The following ECM2 variants were observed in gnomAD, a reference collection of about 807,000 sequenced individuals.
ECM2 encodes the protein extracellular matrix protein 2.
ECM2 carries 57 observed loss-of-function variants against 67.5 expected under a neutral mutation model. The ratio of observed to expected loss-of-function variants is 0.84; its 90% confidence interval spans 0.68 to 1.05. ECM2 has a LOEUF of 1.05. Among genes scored for constraint, ECM2 ranks in the 50% least tolerant of loss-of-function variants. The pLI, the probability that ECM2 is intolerant of heterozygous loss-of-function variation, is 0.00. For missense variants in ECM2, 741 were observed against 822.8 expected, an observed-to-expected ratio of 0.90 and a Z score of 1.22; for synonymous variants, 258 against 294.5, an observed-to-expected ratio of 0.88 and a Z score of 1.27.
chr9:92,545,372 A>T, the ECM2 span, among the ~76,000 whole-genome samples: 1 of 152,154 alleles, frequency 6.6e-6, no homozygotes, highest in Non-Finnish European at 1.5e-5. Flanking sequence ...GGGAGCGGGC[A>T]GTGAGGGACT....
chr9:92,551,679 C>T, the ECM2 span, among the ~76,000 whole-genome samples: 1 of 151,946 alleles, frequency 6.6e-6, no homozygotes, highest in South Asian at 2.1e-4. Context: ...CCCACTCCCA[C>T]TCTTCCCTTC....
chr9:92,524,403 A>G (rs980644519), intron 1 of ECM2, among the ~76,000 whole-genome samples: 3 of 152,206 alleles, frequency 2.0e-5, no homozygotes, highest in Non-Finnish European at 4.4e-5. Context: ...GACTGGCGCA[A>G]TCCCTGTGAA....
chr9:92,522,606 A>G lies in ECM2; in HGVS notation c.261T>C (p.Pro87=), dbSNP rs562112795. Residue 87 remains proline (P), a synonymous_variant, in exon 2 of 10, where the codon CCT becomes CCC. Transcript: ENST00000344604. ...ACACATTATAACTTGATTCTACTCC[A>G]GGAAAACTTGAAAAGGATTCAAACT... is the stretch of plus-strand genomic sequence containing the variant. ...EEKFESFSSF[P]GVESSYNVLP... 1.4e-4 allele frequency: 232 copies of G among 1,613,462 alleles called. 1 individual carries two copies. Among genetic ancestry groups the G allele is most frequent in the Non-Finnish European group, 1.3e-4 (158 of 1,179,758 alleles).
chr9:92,515,948 C>T (rs1348850475), intron 3 of ECM2, among the ~76,000 whole-genome samples: 3 of 152,212 alleles, frequency 2.0e-5, no homozygotes, highest in Middle Eastern at 3.4e-3. Flanking sequence ...AGTTAATCTA[C>T]ATTTATATTT....
chr9:92,516,675 CAA>C (rs984670328), intron 3 of ECM2: 6 of 152,134 alleles, frequency 3.9e-5, no homozygotes, highest in Non-Finnish European at 8.8e-5. Context: ...AAGAATACTC[CAA>C]GTCTTCTGAA....
chr9:92,516,888 C>T (rs1005730998), intron 3 of ECM2: 3 of 152,204 alleles, frequency 2.0e-5, no homozygotes, highest in African/African-American at 7.2e-5. Flanking sequence ...ACCCTGTGAT[C>T]ATCTGTGTGC....
intron 1 of ECM2, among the ~76,000 whole-genome samples, chr9:92,530,863 C>A (rs1296152345): frequency 6.6e-6 from 1 of 152,138 alleles, no homozygotes; most frequent in Non-Finnish European, 1.5e-5. Flanking sequence ...GCCTTCTTCC[C>A]ATGTCTATTG....
At chr9:92,544,006 C>T in the ECM2 span, among the ~76,000 whole-genome samples, 1 of 152,128 alleles carries the variant, frequency 6.6e-6, no homozygotes, top group Non-Finnish European at 1.5e-5. Flanking sequence ...TTATCCTTTC[C>T]ATTTTAGATA....
downstream of ECM2, among the ~76,000 whole-genome samples, chr9:92,494,848 A>C (rs1357877202): frequency 6.6e-6 from 1 of 152,128 alleles, no homozygotes; most frequent in Non-Finnish European, 1.5e-5. Context: ...CAGAGGTTGC[A>C]GTGAGCCGAG....
chr9:92,552,653 T>C, the ECM2 span, among the ~76,000 whole-genome samples: 1 of 152,178 alleles, frequency 6.6e-6, no homozygotes, highest in Non-Finnish European at 1.5e-5. Context: ...CTTTTGAAAA[T>C]TGTCTATTCG....
rs80228292 is a variant in ECM2 at position 92,513,069 on chromosome 9, G to C, written c.1055-943C>G. 7.3e-3 allele frequency among the ~76,000 whole-genome samples: 1,118 copies of C among 152,288 alleles called. 8 individuals carry two copies. The highest frequency in any genetic ancestry group is 0.026 in the South Asian group (126 of 4,830). Reference sequence around the variant, plus strand: ...CTGCACAAATGTGTTGACCTTTTCAGCTTCCCTCACCCCAGCATCTCCAGG... The same window carrying C: ...CTGCACAAATGTGTTGACCTTTTCACCTTCCCTCACCCCAGCATCTCCAGG... On this transcript the variant is annotated intron_variant, in intron 4 of 9. Coordinates refer to ENST00000344604, the MANE Select transcript of ECM2 (RefSeq NM_001393.4).
At position 92,514,674 on chromosome 9, in the gene ECM2, TA is replaced by T; in HGVS notation, c.1010del (p.Ile337AsnfsTer4). The T allele has an allele frequency of 6.2e-7, 1 of 1,606,122 alleles. No individual in the cohort carries two copies. Among genetic ancestry groups the T allele is most frequent in the South Asian group, 1.1e-5 (1 of 90,276 alleles). On this transcript the variant is annotated frameshift_variant, in exon 4 of 10. Transcript: ENST00000344604. LOFTEE classifies it high-confidence loss of function. Reference sequence around the variant, plus strand: ...TTATCTGTGGTGCTGTCAGCGGTGGTATCTGGGTAAGCATGGCGTTGATGCA... The same window carrying T: ...TTATCTGTGGTGCTGTCAGCGGTGGTTCTGGGTAAGCATGGCGTTGATGCA... ...ISCINAMLTQ[I>X]PPLTAPQITS...
chr9:92,514,744 A>C lies in ECM2; in HGVS notation c.941T>G (p.Leu314Arg). 1 of 1,614,156 alleles carries C rather than the reference A, an allele frequency of 6.2e-7. No individual in the cohort carries two copies. Among genetic ancestry groups the C allele is most frequent in the South Asian group, 1.1e-5 (1 of 91,090 alleles). The change falls in exon 4 of 10, where the codon CTG (leucine) becomes CGG (arginine). Residue 314 changes from leucine to arginine, a missense_variant. Physicochemically the swap from Leu to Arg is moderately radical, Grantham distance 102. Transcript: ENST00000344604. ...CAGAGAGCACCCGCTTGGCAGGCGC[A>C]GTGTGCCTCTGGGAGGAGCAGGAAG... Reference protein sequence around the residue: ...SPLPAPPRGTLRLPSGCSLSY... With the variant: ...SPLPAPPRGTRRLPSGCSLSY...
intron 3 of ECM2, among the ~76,000 whole-genome samples, chr9:92,515,952 T>G (rs1239923696): frequency 6.6e-6 from 1 of 152,184 alleles, no homozygotes; most frequent in Non-Finnish European, 1.5e-5. Flanking sequence ...AATCTACATT[T>G]ATATTTAGCT....
chr9:92,552,716 A>G, the ECM2 span, among the ~76,000 whole-genome samples: 1 of 151,634 alleles, frequency 6.6e-6, no homozygotes, highest in South Asian at 2.1e-4. Context: ...GATTTGTTTG[A>G]GTTCGTTGTA....
chr9:92,522,749 T>C lies in ECM2; in HGVS notation c.118A>G (p.Lys40Glu). ...CTGTGCTTGTGTGAGGTTGAACTTT[T>C]CCTCAACCTTCTGTGGTAGATCTTC... ...RRKIYHRRLR[K>E]SSTSHKHRSN... Residue 40 changes from lysine (K) to glutamate (E), a missense_variant, in exon 2 of 10, where the codon AAA (lysine) becomes GAA (glutamate). Coordinates refer to ENST00000344604, the MANE Select transcript of ECM2 (RefSeq NM_001393.4). 6.2e-7 allele frequency: 1 copy of C among 1,614,198 alleles called. No homozygotes were observed. Among genetic ancestry groups the C allele is most frequent in the Non-Finnish European group, 8.5e-7 (1 of 1,180,030 alleles).
intron 1 of ECM2, among the ~76,000 whole-genome samples, chr9:92,528,825 C>G (rs747812843): frequency 6.6e-6 from 1 of 152,114 alleles, no homozygotes. Context: ...GTTTTAGGAT[C>G]CAATGTAAAT....
At chr9:92,545,209 G>C in the ECM2 span, among the ~76,000 whole-genome samples, 2 of 152,020 alleles carry the variant, frequency 1.3e-5, no homozygotes, top group Non-Finnish European at 2.9e-5. Flanking sequence ...GGCCGAGGCC[G>C]GAGCCGGCTC....
the ECM2 span, among the ~76,000 whole-genome samples, chr9:92,542,864 AT>A: frequency 6.6e-6 from 1 of 152,156 alleles, no homozygotes; most frequent in East Asian, 1.9e-4. Context: ...CATTTAATTC[AT>A]TAATCTATTT....
Sources: gnomAD v4.1 joint callset for allele counts (sites outside exome capture counted in the v4.1 genomes callset) on GRCh38, gnomAD v4.1.1 for gene constraint, MANE v1.5 for transcripts, NCBI Gene and HGNC (gene_info 2026-07-23, HGNC 2026-07-21) for gene names.